Variants in CCDC85A observed in about 807,000 individuals in gnomAD.
CCDC85A encodes the protein coiled-coil domain containing 85A.
A neutral mutation model predicts 50.2 loss-of-function variants in CCDC85A; 38 were observed. The observed-to-expected ratio is 0.76, with a 90% CI of 0.58 to 0.99. The LOEUF is 0.99. CCDC85A is among the 50% of genes least tolerant of loss of function. The pLI is 0.00. For synonymous variants in CCDC85A, 366 were observed against 301.4 expected, an observed-to-expected ratio of 1.21 and a Z score of -2.22; for missense variants, 820 against 742.0, an observed-to-expected ratio of 1.11 and a Z score of -1.22.
intron 2 of CCDC85A, among the ~76,000 whole-genome samples, chr2:56,216,344 A>T (rs59813060): frequency 0.22 from 33,915 of 151,542 alleles, 4,273 homozygotes; most frequent in African/African-American, 0.3. Flanking sequence ...CTGTGGCTGA[A>T]GCTCCTTATT....
At chr2:56,195,215 G>T (rs1359177411) in intron 2 of CCDC85A, among the ~76,000 whole-genome samples, 2 of 152,178 alleles carry the variant, frequency 1.3e-5, no homozygotes, top group African/African-American at 4.8e-5. Flanking sequence ...TGTATGATTT[G>T]ACTTCTAAGA....
At chr2:56,326,758 A>G (rs1400603357) in intron 2 of CCDC85A, among the ~76,000 whole-genome samples, 2 of 152,224 alleles carry the variant, frequency 1.3e-5, no homozygotes, top group East Asian at 1.9e-4. Context: ...TAACTTTTTG[A>G]CTGTTTTTCT....
intron 3 of CCDC85A, among the ~76,000 whole-genome samples, chr2:56,345,463 T>C (rs1674589400): frequency 6.6e-6 from 1 of 152,228 alleles, no homozygotes; most frequent in African/African-American, 2.4e-5. Flanking sequence ...GTTTGAAATA[T>C]GCTGTTGGAC....
At position 56,375,917 on chromosome 2, in the gene CCDC85A, T is replaced by A; in HGVS notation, c.1554T>A (p.Pro518=). 6.2e-7 allele frequency: 1 copy of A among 1,613,664 alleles called. No homozygotes were observed. The highest frequency in any genetic ancestry group is 1.1e-5 in the South Asian group (1 of 91,046). ...CCACACCTTCCCAGCAGCCTGAACC[T>A]GTGGTACATTCTCTTAAGGTAACCA... ...GHATPSQQPE[P]VVHSLKVVWR... is the part of the protein sequence containing the mutation. The change falls in exon 5 of 6, where the codon CCT becomes CCA. Residue 518 remains proline (P), a synonymous_variant. Transcript: ENST00000407595.
chr2:56,205,694 G>A (rs1676931403), intron 2 of CCDC85A, among the ~76,000 whole-genome samples: 1 of 152,170 alleles, frequency 6.6e-6, no homozygotes, highest in Non-Finnish European at 1.5e-5. Flanking sequence ...ATAAATCTCT[G>A]CACTGTTCCA....
At chr2:56,376,684 A>G (rs1676351931) in intron 5 of CCDC85A, among the ~76,000 whole-genome samples, 1 of 152,244 alleles carries the variant, frequency 6.6e-6, no homozygotes, top group Non-Finnish European at 1.5e-5. Flanking sequence ...AAACTAACAC[A>G]GGTGATAAAA....
intron 3 of CCDC85A, among the ~76,000 whole-genome samples, chr2:56,352,195 T>C (rs1287252952): frequency 6.6e-6 from 1 of 152,194 alleles, no homozygotes; most frequent in Non-Finnish European, 1.5e-5. Flanking sequence ...CTGTATCCTT[T>C]ACATATAAAG....
intron 1 of CCDC85A, among the ~76,000 whole-genome samples, chr2:56,191,857 G>T (rs1434586638): frequency 6.6e-6 from 1 of 152,238 alleles, no homozygotes; most frequent in Non-Finnish European, 1.5e-5. Context: ...CATATTCCAT[G>T]TCAGGGCTGA....
chr2:56,214,162 G>T (rs918078724), intron 2 of CCDC85A, among the ~76,000 whole-genome samples: 1 of 151,894 alleles, frequency 6.6e-6, no homozygotes, highest in African/African-American at 2.4e-5. Flanking sequence ...GCCAGACAAG[G>T]TTTGAATCCT....
intron 2 of CCDC85A, among the ~76,000 whole-genome samples, chr2:56,274,298 G>T (rs546437475): frequency 6.6e-6 from 1 of 152,276 alleles, no homozygotes; most frequent in Admixed American, 6.5e-5. Context: ...GTATGTAAGT[G>T]TGTGTATTAT....
intron 5 of CCDC85A, among the ~76,000 whole-genome samples, chr2:56,381,654 A>C (rs780188301): frequency 3.6e-4 from 54 of 152,110 alleles, no homozygotes; most frequent in Non-Finnish European, 6.9e-4. Flanking sequence ...CCTGAGGAAC[A>C]AAAAGTGAAA....
intron 2 of CCDC85A, among the ~76,000 whole-genome samples, chr2:56,332,923 G>A (rs1673886270): frequency 6.6e-6 from 1 of 152,084 alleles, no homozygotes; most frequent in South Asian, 2.1e-4. Context: ...AAAAGTATAG[G>A]TCTGTATAAT....
At chr2:56,251,002 TCTTTTGTGTGTC>T (rs1046899721) in intron 2 of CCDC85A, among the ~76,000 whole-genome samples, 51 of 152,314 alleles carry the variant, frequency 3.3e-4, no homozygotes, top group African/African-American at 1.2e-3. Context: ...TTTAGTTCTG[TCTTTTGTGTGTC>T]TGTGTTTTCC....
At chr2:56,369,671 T>C (rs1199900326) in intron 3 of CCDC85A, among the ~76,000 whole-genome samples, 1 of 152,164 alleles carries the variant, frequency 6.6e-6, no homozygotes, top group Non-Finnish European at 1.5e-5. Context: ...TGGGGACTTT[T>C]TCTGTTCATC....
At position 56,276,740 on chromosome 2, in the gene CCDC85A, A is replaced by AT. The variant is rs201257000; in HGVS notation, c.1241-66131dup. Among the ~76,000 whole-genome samples, 1,135 of 152,020 alleles carry AT rather than the reference A, an allele frequency of 7.5e-3. 13 individuals carry two copies. Among genetic ancestry groups the AT allele is most frequent in the African/African-American group, 0.026 (1,078 of 41,458 alleles). On this transcript the variant is annotated intron_variant, in intron 2 of 5. Transcript: ENST00000407595. ...GAAAATGGACTAATACAGTGAGTGT[A>AT]TTTTTTTTAACTTTTATTTTAAGTT...
intron 2 of CCDC85A, among the ~76,000 whole-genome samples, chr2:56,264,082 G>T (rs537977450): frequency 2.6e-5 from 4 of 152,188 alleles, no homozygotes. Flanking sequence ...ATGCAAAGCT[G>T]TTCAGGGCTG....
intron 5 of CCDC85A, among the ~76,000 whole-genome samples, chr2:56,378,694 G>C (rs1371744695): frequency 6.6e-6 from 1 of 152,180 alleles, no homozygotes; most frequent in African/African-American, 2.4e-5. Context: ...TCGAACTCTA[G>C]TTAGATTCAG....
chr2:56,184,657 T>TGCG lies in CCDC85A; in HGVS notation c.44_46dup (p.Ala15dup), dbSNP rs772256849. Reference sequence around the variant, plus strand: ...AGGCGGCCGGAGGCGCGGCGGCGGCTGCGGCGGCGGCGGAAAGTTGTTCCC... The same window carrying TGCG: ...AGGCGGCCGGAGGCGCGGCGGCGGCTGCGGCGGCGGCGGCGGAAAGTTGTTCCC... On this transcript the variant is annotated inframe_insertion, in exon 1 of 6. Transcript: ENST00000407595. The TGCG allele has an allele frequency of 8.4e-5, 122 of 1,448,666 alleles. No homozygotes were observed. The Admixed American group carries it at 8.7e-4, about 10-fold the overall frequency. 89.7% of individuals were successfully genotyped at this position (1,448,666 alleles called of 1,614,324 possible).
intron 2 of CCDC85A, among the ~76,000 whole-genome samples, chr2:56,200,056 A>G (rs1030059052): frequency 2.0e-5 from 3 of 152,106 alleles, no homozygotes; most frequent in East Asian, 1.9e-4. Flanking sequence ...TTTAGTAGAG[A>G]TGGAGTTTCA....
Sources: allele counts gnomAD v4.1 joint callset (sites outside exome capture counted in the v4.1 genomes callset), GRCh38; gene constraint gnomAD v4.1.1; transcripts MANE v1.5; gene names NCBI Gene and HGNC (gene_info 2026-07-23, HGNC 2026-07-21).